ZNF543: variants seen among roughly 807,000 people sequenced by gnomAD.
ZNF543 encodes zinc finger protein 543.
In ZNF543, 10 loss-of-function variants were observed where a neutral mutation model predicts 13.4. The observed-to-expected ratio is 0.75, with a 90% CI of 0.46 to 1.26. The LOEUF (loss-of-function observed/expected upper bound fraction) is 1.26, where lower values mean the gene tolerates loss of function less well. ZNF543 is among the 50% of genes most tolerant of loss of function. The probability of loss-of-function intolerance (pLI) is 0.00; values close to 1 mark genes in which losing one functional copy is unlikely to be tolerated. For missense variants in ZNF543, 768 were observed against 741.2 expected (o/e 1.04, Z -0.42); for synonymous variants, 272 against 264.7 (o/e 1.03, Z -0.27).
chr19:57,328,392 C>T lies in ZNF543; in HGVS notation c.930C>T (p.Pro310=), dbSNP rs985782774. ...LHHRSHTGEK[P]FVCKECGKAF... ...ACAGGAGCCACACTGGAGAAAAACC[C>T]TTTGTGTGCAAAGAGTGTGGCAAAG... Residue 310 remains proline, a synonymous_variant, in exon 4 of 4, where the codon CCC becomes CCT. Coordinates refer to ENST00000321545, the MANE Select transcript of ZNF543 (RefSeq NM_213598.4). The T allele has an allele frequency of 1.9e-6, 3 of 1,613,652 alleles. No individual in the cohort carries two copies. The highest frequency in any genetic ancestry group is 4.5e-5 in the East Asian group (2 of 44,852).
At chr19:57,321,748 T>G (rs12983805) in intron 1 of ZNF543, among the ~76,000 whole-genome samples, 21,383 of 152,166 alleles carry the variant, frequency 0.14, 1,520 homozygotes, top group African/African-American at 0.17. Context: ...CAGCCTGTGT[T>G]TTTACCCTCT....
rs547828022 is a variant in ZNF543 at position 57,326,396 on chromosome 19, C to T, written c.146-237C>T. Among the ~76,000 whole-genome samples, 3 of 152,248 alleles carry T rather than the reference C, an allele frequency of 2.0e-5. No homozygotes were observed. The East Asian group carries it at 5.8e-4, about 29-fold the overall frequency. On this transcript the variant is annotated intron_variant, in intron 2 of 3. Transcript: ENST00000321545. ...GGGCAGGCTGGTCTCGAACTCCTGA[C>T]CTCAGGTGATCCACCTGCCTTGGCC...
In ZNF543 at chr19:57,326,756, G is replaced by A; in HGVS notation, c.241+28G>A. Reference sequence around the variant, plus strand: ...AGGAGCCAACAGCTGGGAAGGTGGGGGTCATGGCAGCTTACACATGGAAAA... The same window carrying A: ...AGGAGCCAACAGCTGGGAAGGTGGGAGTCATGGCAGCTTACACATGGAAAA... On this transcript the variant is annotated intron_variant, in intron 3 of 3. Transcript: ENST00000321545. 3 of 1,577,120 alleles carry A rather than the reference G, an allele frequency of 1.9e-6. No individual in the cohort carries two copies. The East Asian group carries it at 6.7e-5, about 35-fold the overall frequency.
At position 57,329,496 on chromosome 19, in the gene ZNF543, A is replaced by T; in HGVS notation, c.*231A>T. On this transcript the variant is annotated 3_prime_UTR_variant, in exon 4 of 4. Transcript: ENST00000321545. ...ACATCTTTCTTCTTAGTTTACAGTG[A>T]AATATTATCTCAGGGATATTTTTTT... 1 of 484,532 alleles carries T rather than the reference A, an allele frequency of 2.1e-6. No individual in the cohort carries two copies. Among genetic ancestry groups the T allele is most frequent in the Non-Finnish European group, 3.5e-6 (1 of 283,268 alleles). 30.0% of individuals were successfully genotyped at this position (484,532 alleles called of 1,614,324 possible).
Position 57,329,228 on chromosome 19 carries a change from A to C in ZNF543, c.1766A>C (p.Glu589Ala), listed in dbSNP as rs1394997758. Residue 589 changes from glutamate to alanine, a missense_variant, in exon 4 of 4, where the codon GAG becomes GCG. Coordinates refer to ENST00000321545, the MANE Select transcript of ZNF543 (RefSeq NM_213598.4). Reference sequence around the variant, plus strand: ...ATCCAGGAACTTTTATTAGGGAAAGAGTTTTTGAATATCACCACTGAAGAA... The same window carrying C: ...ATCCAGGAACTTTTATTAGGGAAAGCGTTTTTGAATATCACCACTGAAGAA... Reference protein sequence around the residue: ...VNIQELLLGKEFLNITTEENL... With the variant: ...VNIQELLLGKAFLNITTEENL... 6.2e-7 allele frequency: 1 copy of C among 1,611,546 alleles called. No homozygotes were observed. The highest frequency in any genetic ancestry group is 1.7e-5 in the Admixed American group (1 of 59,782).
chr19:57,324,520 A>G (rs2088109973), intron 2 of ZNF543, among the ~76,000 whole-genome samples: 1 of 152,176 alleles, frequency 6.6e-6, no homozygotes, highest in Non-Finnish European at 1.5e-5. Context: ...TGTCCTCATA[A>G]TCAGCAGTAT....
In ZNF543 at chr19:57,328,730, A is replaced by C; in HGVS notation, c.1268A>C (p.Tyr423Ser). 1 of 1,613,912 alleles carries C rather than the reference A, an allele frequency of 6.2e-7. No individual in the cohort carries two copies. The highest frequency in any genetic ancestry group is 8.5e-7 in the Non-Finnish European group (1 of 1,179,982). Residue 423 changes from tyrosine (Y) to serine (S), a missense_variant, in exon 4 of 4, where the codon TAT becomes TCT. Transcript: ENST00000321545. ...CGGATTCACACTGGGGAGAAGCCTTATGAATGCAGTGAATGTGGAAAGGCC... is the reference window on the plus strand; with the variant it reads ...CGGATTCACACTGGGGAGAAGCCTTCTGAATGCAGTGAATGTGGAAAGGCC... ...HQRIHTGEKPYECSECGKAFT... is the reference protein window; with the variant it reads ...HQRIHTGEKPSECSECGKAFT...
intron 1 of ZNF543, 44 bp from the exon 2 acceptor site, chr19:57,323,638 C>A: frequency 1.9e-6 from 3 of 1,604,184 alleles, no homozygotes; most frequent in Non-Finnish European, 2.6e-6. Context: ...AGTTGTATTC[C>A]ACAGTTCCAA....
In ZNF543 at chr19:57,327,820, C is replaced by T; in HGVS notation, c.358C>T (p.Gln120Ter). The T allele has an allele frequency of 6.2e-7, 1 of 1,614,132 alleles. No homozygotes were observed. The highest frequency in any genetic ancestry group is 8.5e-7 in the Non-Finnish European group (1 of 1,180,038). ...QGASKNSQLG[Q>*]SKDQDGPSEM... ...AGCCTCAAAGAACTCCCAATTAGGG[C>T]AATCCAAGGATCAGGATGGGCCATC... The change falls in exon 4 of 4, where the codon CAA becomes TAA. Residue 120 changes from glutamine to a stop codon, truncating the protein, a stop_gained. Transcript: ENST00000321545. LOFTEE classifies it low-confidence loss of function (END_TRUNC).
Position 57,329,257 on chromosome 19 carries a change from C to A in ZNF543, c.1795C>A (p.Leu599Met). Reference protein sequence around the residue: ...EFLNITTEENLW With the variant: ...EFLNITTEENMW The stretch of plus-strand genomic sequence containing the variant: ...TTTGAATATCACCACTGAAGAAAAT[C>A]TGTGGTGAAAGGGAACATCTTACCA... The change falls in exon 4 of 4, where the codon CTG becomes ATG. Residue 599 changes from leucine (L) to methionine (M), a missense_variant. Transcript: ENST00000321545. 1 of 1,599,840 alleles carries A rather than the reference C, an allele frequency of 6.3e-7. No individual in the cohort carries two copies. The highest frequency in any genetic ancestry group is 8.5e-7 in the Non-Finnish European group (1 of 1,172,094).
chr19:57,325,021 T>G (rs2088112872), intron 2 of ZNF543, among the ~76,000 whole-genome samples: 5 of 152,224 alleles, frequency 3.3e-5, no homozygotes, highest in Admixed American at 2.6e-4. Context: ...GGAGTAAAGT[T>G]CTATGGCCAG....
chr19:57,323,597 C>T (rs1487275736), intron 1 of ZNF543, 85 bp from the exon 2 acceptor site: 53 of 1,524,088 alleles, frequency 3.5e-5, no homozygotes, highest in Non-Finnish European at 4.3e-5. Flanking sequence ...GGTCACTGCG[C>T]ATCTTTTGCA....
Position 57,320,530 on chromosome 19 carries a change from C to G in ZNF543, c.-324C>G, listed in dbSNP as rs554223817. 1 of 351,254 alleles carries G rather than the reference C, an allele frequency of 2.8e-6. No individual in the cohort carries two copies. The highest frequency in any genetic ancestry group is 6.0e-5 in the East Asian group (1 of 16,534). The allele number at this position is 351,254 out of a possible 1,614,324, so 21.8% of individuals were successfully genotyped here. ...CCCTGGAACAGTGTGGGGCCTGGAC[C>G]GCTGGGTAGGCGCGTCCAGCGGCCT... is the stretch of plus-strand genomic sequence containing the variant. On this transcript the variant is annotated 5_prime_UTR_variant, in exon 1 of 4. Transcript: ENST00000321545.
chr19:57,327,314 G>C (rs1208598444), intron 3 of ZNF543, among the ~76,000 whole-genome samples: 2 of 150,372 alleles, frequency 1.3e-5, no homozygotes, highest in Non-Finnish European at 3.0e-5. Flanking sequence ...CTTCACTATA[G>C]TCTTACAAGG....
Position 57,329,201 on chromosome 19 carries a change from A to G in ZNF543, c.1739A>G (p.Asn580Ser). Residue 580 changes from asparagine to serine, a missense_variant, in exon 4 of 4, where the codon AAC becomes AGC. By Grantham distance (46) the Asn-to-Ser change is conservative. Around this residue, in one of 3 missense-constraint regions of ZNF543, gnomAD observed 677 missense variants for 631.4 expected, o/e 1.07. Coordinates refer to ENST00000321545, the MANE Select transcript of ZNF543 (RefSeq NM_213598.4). ...RPFMTAQTSV[N>S]IQELLLGKEF... is the part of the protein sequence containing the mutation. Reference sequence around the variant, plus strand: ...TTTATGACTGCACAGACTTCAGTCAACATCCAGGAACTTTTATTAGGGAAA... The same window carrying G: ...TTTATGACTGCACAGACTTCAGTCAGCATCCAGGAACTTTTATTAGGGAAA... The G allele has an allele frequency of 6.2e-7, 1 of 1,613,292 alleles. No individual in the cohort carries two copies. Among genetic ancestry groups the G allele is most frequent in the Non-Finnish European group, 8.5e-7 (1 of 1,179,624 alleles).
At chr19:57,322,197 G>A (rs776966585) in intron 1 of ZNF543, among the ~76,000 whole-genome samples, 6 of 152,170 alleles carry the variant, frequency 3.9e-5, no homozygotes, top group Non-Finnish European at 7.3e-5. Flanking sequence ...GTGATAGCTC[G>A]TTGTGGATTC....
At position 57,325,675 on chromosome 19, in the gene ZNF543, C is replaced by T. The variant is rs147713279; in HGVS notation, c.146-958C>T. On this transcript the variant is annotated intron_variant, in intron 2 of 3. Coordinates refer to ENST00000321545, the MANE Select transcript of ZNF543 (RefSeq NM_213598.4). Reference sequence around the variant, plus strand: ...CAAGTGATCCTCCCACCTCAGTCTCCTAAGTAGCTGGGACCACGGGTGCAT... The same window carrying T: ...CAAGTGATCCTCCCACCTCAGTCTCTTAAGTAGCTGGGACCACGGGTGCAT... 3.3e-4 allele frequency among the ~76,000 whole-genome samples: 50 copies of T among 152,276 alleles called. No individual in the cohort carries two copies. The East Asian group carries it at 7.9e-3, about 24-fold the overall frequency.
chr19:57,327,901 C>T lies in ZNF543; in HGVS notation c.439C>T (p.Leu147=). ...GATAGGCCCCCAGCGGGGGAAGCTGCTGGAGAAAATGAGTTCTGAACGTGA... is the reference window on the plus strand; with the variant it reads ...GATAGGCCCCCAGCGGGGGAAGCTGTTGGAGAAAATGAGTTCTGAACGTGA... The part of the protein sequence containing the change: ...IGIGPQRGKL[L]EKMSSERDGL... Residue 147 remains leucine (L), a synonymous_variant, in exon 4 of 4, where the codon CTG becomes TTG. Transcript: ENST00000321545. 6.2e-7 allele frequency: 1 copy of T among 1,614,150 alleles called. No homozygotes were observed.
chr19:57,325,703 C>T (rs1411000930), intron 2 of ZNF543, among the ~76,000 whole-genome samples: 1 of 152,182 alleles, frequency 6.6e-6, no homozygotes, highest in Non-Finnish European at 1.5e-5. Flanking sequence ...GGGTGCATGA[C>T]ACCACACCCG....
Sources: gnomAD v4.1 joint callset for allele counts (sites outside exome capture counted in the v4.1 genomes callset) on GRCh38, gnomAD v4.1.1 for gene constraint, gnomAD v4.1.1 regional missense constraint, MANE v1.5 for transcripts, NCBI Gene and HGNC (gene_info 2026-07-23, HGNC 2026-07-21) for gene names.